Variants in CRAT observed in about 807,000 individuals in gnomAD.
CRAT encodes the protein carnitine acetylase.
CRAT carries 66 observed loss-of-function variants against 73.7 expected under a neutral mutation model. The ratio of observed to expected loss-of-function variants is 0.90; its 90% CI spans 0.73 to 1.10. The LOEUF (loss-of-function observed/expected upper bound fraction) is 1.10, where lower values mean the gene tolerates loss of function less well. Among genes scored for constraint, CRAT ranks in the 50% least tolerant of loss-of-function variants. CRAT has a pLI of 0.00. For missense variants in CRAT, 745 were observed against 846.9 expected (o/e 0.88, Z 1.49); for synonymous variants, 321 against 343.2 (o/e 0.94, Z 0.71).
intron 1 of CRAT, 22 bp from the exon 2 acceptor site, chr9:129,108,099 G>A (rs373256861): frequency 2.7e-6 from 4 of 1,501,520 alleles, no homozygotes; most frequent in Non-Finnish European, 3.5e-6. Flanking sequence ...AGAACATCCT[G>A]TTCATTCCCT....
intron 2 of CRAT, among the ~76,000 whole-genome samples, chr9:129,105,214 A>C (rs1847945175): frequency 6.6e-6 from 1 of 151,966 alleles, no homozygotes; most frequent in South Asian, 2.1e-4. Flanking sequence ...AAGGTGAACA[A>C]ATTCTCATCT....
intron 8 of CRAT, among the ~76,000 whole-genome samples, 166 bp from the exon 9 acceptor site, chr9:129,098,816 CTTTTT>C (rs58400805): frequency 3.1e-5 from 4 of 127,562 alleles, no homozygotes; most frequent in Admixed American, 8.0e-5. Context: ...TTTCTTTTTT[CTTTTT>C]TTTTTTTTTT....
In CRAT at chr9:129,110,477, A is replaced by G; in HGVS notation, c.27+6T>C. On this transcript the variant is annotated splice_donor_region_variant and intron_variant, in intron 1 of 13. Transcript: ENST00000318080. This position sits in a 1 kb window ranked among gnomAD's most constrained non-coding sequence, Gnocchi z 5.3. ...GGCCCTCAGGCCCGGGATCCGCCGC[A>G]CTCACCACGGTCCTGGCAGCGAAGG... 1.3e-6 allele frequency: 2 copies of G among 1,582,844 alleles called. No individual in the cohort carries two copies. The highest frequency in any genetic ancestry group is 1.7e-5 in the Admixed American group (1 of 57,946).
chr9:129,097,037 C>T (rs922782061), intron 12 of CRAT, among the ~76,000 whole-genome samples: 1 of 150,186 alleles, frequency 6.7e-6, no homozygotes, highest in Non-Finnish European at 1.5e-5. Flanking sequence ...CACTGCACTC[C>T]AGCCTGGGCG....
At chr9:129,109,493 A>T (rs1848246224) in intron 1 of CRAT, among the ~76,000 whole-genome samples, 2 of 152,204 alleles carry the variant, frequency 1.3e-5, no homozygotes, top group Admixed American at 1.3e-4. Context: ...ACCAAAGGAC[A>T]CTGGGATTGG....
intron 7 of CRAT, 128 bp downstream of exon 7, chr9:129,100,383 G>C (rs1847583827): frequency 2.5e-6 from 3 of 1,179,716 alleles, no homozygotes; most frequent in South Asian, 3.1e-5. Context: ...CGTCCAGCCT[G>C]CTGGCTTCCT....
At position 129,104,883 on chromosome 9, in the gene CRAT, C is replaced by T. The variant is rs1157951385; in HGVS notation, c.292-577G>A. Among the ~76,000 whole-genome samples, 8 of 143,250 alleles carry T rather than the reference C, an allele frequency of 5.6e-5. 1 individual carries two copies. In the South Asian group the frequency reaches 1.3e-3, roughly 24 times the overall value. 94.0% of individuals were successfully genotyped at this position (143,250 alleles called of 152,430 possible). A position where few individuals can be genotyped will look rare whatever the true frequency, so the allele number is the denominator to read the frequency against. On this transcript the variant is annotated intron_variant, in intron 2 of 13. Coordinates refer to ENST00000318080, the MANE Select transcript of CRAT (RefSeq NM_000755.5). ...CCTCCCAAAGTGCTGGGATTACAGG[C>T]ATGAGCCACTGTGCCCGGTCTTTTT...
At chr9:129,109,970 T>TG (rs1281629670) in intron 1 of CRAT, among the ~76,000 whole-genome samples, 1 of 151,566 alleles carries the variant, frequency 6.6e-6, no homozygotes, top group Non-Finnish European at 1.5e-5. Context: ...AGGGAGACCA[T>TG]GGGGCTGCCA....
At chr9:129,109,795 C>T (rs1306965281) in intron 1 of CRAT, among the ~76,000 whole-genome samples, 2 of 151,378 alleles carry the variant, frequency 1.3e-5, no homozygotes, top group Non-Finnish European at 2.9e-5. Flanking sequence ...GGATCAGGGA[C>T]GGAAGGGACT....
At chr9:129,099,803 T>C in intron 8 of CRAT, 63 bp downstream of exon 8, 1 of 1,308,578 alleles carries the variant, frequency 7.6e-7, no homozygotes, top group Middle Eastern at 1.9e-4. Flanking sequence ...AGCTGGTCTA[T>C]CACCTGTGTG....
intron 1 of CRAT, chr9:129,108,279 A>AG: frequency 2.8e-6 from 2 of 706,098 alleles, no homozygotes; most frequent in Non-Finnish European, 3.9e-6. Flanking sequence ...GGGATGGGGG[A>AG]GGGTGGGGTG....
At chr9:129,108,311 C>A (rs1443732222) in intron 1 of CRAT, 1 of 1,145,350 alleles carries the variant, frequency 8.7e-7, no homozygotes. Context: ...CTTAGCAAGG[C>A]TCAGGGGAAC....
chr9:129,099,823 A>G lies in CRAT; in HGVS notation c.1085+43T>C, dbSNP rs530773558. 1,004 of 1,455,688 alleles carry G rather than the reference A, an allele frequency of 6.9e-4. 17 individuals carry two copies. In the South Asian group the frequency reaches 0.011, roughly 16 times the overall value. The allele number at this position is 1,455,688 out of a possible 1,614,324, so 90.2% of individuals were successfully genotyped here. ...GTCTATCACCTGTGTGTCACCTGTC[A>G]CTAGAAGCTGGGGAACTAGGCGAGA... On this transcript the variant is annotated intron_variant, in intron 8 of 13. Transcript: ENST00000318080.
rs537737071 is a variant in CRAT, at chr9:129,107,048, T to C, written c.291+766A>G. 8.2e-4 allele frequency among the ~76,000 whole-genome samples: 124 copies of C among 151,990 alleles called. No individual in the cohort carries two copies. The highest frequency in any genetic ancestry group is 2.7e-3 in the African/African-American group (112 of 41,450). The stretch of plus-strand genomic sequence containing the variant: ...CAGCAGCTGGGTCACCTTTTTTTTT[T>C]CCCAAGACAGAGTCTTGCTCTGTCG... On this transcript the variant is annotated intron_variant, in intron 2 of 13. Coordinates refer to ENST00000318080, the MANE Select transcript of CRAT (RefSeq NM_000755.5). The surrounding 1 kb of genome is among the most constrained non-coding windows in gnomAD (Gnocchi z 5.0).
At chr9:129,097,163 C>T (rs1202580882) in intron 12 of CRAT, 87 bp downstream of exon 12, 1 of 1,218,808 alleles carries the variant, frequency 8.2e-7, no homozygotes, top group Non-Finnish European at 1.1e-6. Flanking sequence ...GGTTGGCAGC[C>T]ATTGGCTGCA....
At chr9:129,101,854 G>A in intron 6 of CRAT, 29 bp downstream of exon 6, 2 of 1,607,168 alleles carry the variant, frequency 1.2e-6, no homozygotes, top group Non-Finnish European at 1.7e-6. Context: ...GCCTGGGTGT[G>A]CAGCCCCAGC....
chr9:129,108,747 G>A, intron 1 of CRAT: 2 of 1,304,104 alleles, frequency 1.5e-6, no homozygotes, highest in Non-Finnish European at 2.0e-6. Context: ...CGAGTGGCAG[G>A]AGCTCTGTTC....
At position 129,106,784 on chromosome 9, in the gene CRAT, C is replaced by A. The variant is rs1177647455; in HGVS notation, c.291+1030G>T. Among the ~76,000 whole-genome samples the A allele has an allele frequency of 6.6e-6, 1 of 152,122 alleles. No individual in the cohort carries two copies. Among genetic ancestry groups the A allele is most frequent in the Non-Finnish European group, 1.5e-5 (1 of 68,026 alleles). ...GCACCCCCTATAACACAGCATTTCCCAGGGCCGGACCCGCTCTGGCTCTCC... is the reference window on the plus strand; with the variant it reads ...GCACCCCCTATAACACAGCATTTCCAAGGGCCGGACCCGCTCTGGCTCTCC... On this transcript the variant is annotated intron_variant, in intron 2 of 13. Coordinates refer to ENST00000318080, the MANE Select transcript of CRAT (RefSeq NM_000755.5). The surrounding 1 kb of genome is among the most constrained non-coding windows in gnomAD (Gnocchi z 4.0).
At chr9:129,095,876 C>T in intron 13 of CRAT, 122 bp downstream of exon 13, 2 of 1,405,876 alleles carry the variant, frequency 1.4e-6, no homozygotes, top group Non-Finnish European at 9.8e-7. Context: ...GCCCCTGCCC[C>T]CAGCTCCTCC....
Sources: gnomAD v4.1 joint callset for allele counts (sites outside exome capture counted in the v4.1 genomes callset) on GRCh38, gnomAD v4.1.1 for gene constraint, Gnocchi (gnomAD v3.1) non-coding constraint, MANE v1.5 for transcripts, NCBI Gene and HGNC (gene_info 2026-07-23, HGNC 2026-07-21) for gene names.